SEPTIN6: variants seen among roughly 807,000 people sequenced by gnomAD.
SEPTIN6 encodes septin 6.
SEPTIN6 carries 8 observed loss-of-function variants against 33.6 expected under a neutral mutation model. The ratio of observed to expected loss-of-function variants is 0.24; its 90% confidence interval spans 0.14 to 0.43. SEPTIN6 has a LOEUF of 0.43. SEPTIN6 is among the 20% of genes least tolerant of loss of function. The pLI, the probability that SEPTIN6 is intolerant of heterozygous loss-of-function variation, is 1.00. For synonymous variants in SEPTIN6, 131 were observed against 140.0 expected (o/e 0.94, Z 0.45); for missense variants, 250 against 340.8 (o/e 0.73, Z 2.10).
At chrX:119,636,978 G>A (rs200268547) in intron 7 of SEPTIN6, 49 bp downstream of exon 7, 1 of 1,174,125 alleles carries the variant, frequency 8.5e-7, no homozygotes, top group African/African-American at 1.8e-5. Context: ...CCACCTGAGT[G>A]GGCTGAGCTG....
In SEPTIN6 at chrX:119,617,350, T is replaced by A. The variant is rs2053681847; in HGVS notation, c.*2743A>T. On this transcript the variant is annotated 3_prime_UTR_variant, in exon 11 of 11. Transcript: ENST00000394610. ...AAGCTACCCAATGAAATACACATTT[T>A]AATAGGTTGATCAACTTTTTAATTT... The A allele has an allele frequency of 1.2e-6, 1 of 802,272 alleles. No homozygotes were observed. Among genetic ancestry groups the A allele is most frequent in the Non-Finnish European group, 1.5e-6 (1 of 669,541 alleles). The allele number at this position is 802,272 out of a possible 1,213,427, so 66.1% of individuals were successfully genotyped here.
At chrX:119,676,920 A>G (rs1323338121) in intron 1 of SEPTIN6, among the ~76,000 whole-genome samples, 1 of 112,108 alleles carries the variant, frequency 8.9e-6, no homozygotes, top group Non-Finnish European at 1.9e-5. Context: ...TCACCCTCAG[A>G]CAAGTTACAT....
intron 2 of SEPTIN6, 48 bp from the exon 3 acceptor site, chrX:119,663,725 C>T: frequency 1.0e-6 from 1 of 982,486 alleles, no homozygotes. Context: ...AGTGACTATT[C>T]AGCCCTTACA....
chrX:119,657,003 G>A (rs191915730), intron 3 of SEPTIN6, among the ~76,000 whole-genome samples: 1,614 of 110,008 alleles, frequency 0.015, 26 homozygotes, highest in African/African-American at 0.051. Flanking sequence ...CGGATTACCT[G>A]AGGTCAGGAG....
At chrX:119,655,808 G>GA (rs2054432582) in intron 3 of SEPTIN6, among the ~76,000 whole-genome samples, 2 of 111,818 alleles carry the variant, frequency 1.8e-5, no homozygotes, top group African/African-American at 6.5e-5. Context: ...ACTTAGATAG[G>GA]AAAAAAATAC....
rs2053719924 is a variant in SEPTIN6 at position 119,619,909 on chromosome X, C to T, written c.*184G>A. On this transcript the variant is annotated 3_prime_UTR_variant, in exon 11 of 11. Coordinates refer to ENST00000394610, the MANE Select transcript of SEPTIN6 (RefSeq NM_145799.4). ...AGCGGCCAGACATCACCCTCAGATT[C>T]TCAGGTTTCTATAAACCTTGGCAGG... The T allele has an allele frequency of 8.9e-7, 1 of 1,122,381 alleles. No homozygotes were observed. The allele number at this position is 1,122,381 out of a possible 1,213,427, so 92.5% of individuals were successfully genotyped here.
chrX:119,616,622 T>A (rs2286145), downstream of SEPTIN6: 143 of 938,688 alleles, frequency 1.5e-4, no homozygotes, highest in East Asian at 4.3e-3. Flanking sequence ...GTGCTTGCAG[T>A]TTGAGGGGAG....
chrX:119,674,365 G>A (rs1299913601), intron 2 of SEPTIN6, among the ~76,000 whole-genome samples: 3 of 109,776 alleles, frequency 2.7e-5, no homozygotes, highest in Non-Finnish European at 3.8e-5. Context: ...TTTTAGTAGA[G>A]ACGGGGTTTC....
chrX:119,620,389 G>A (rs62599890), intron 10 of SEPTIN6, among the ~76,000 whole-genome samples: 3,746 of 103,628 alleles, frequency 0.036, 66 homozygotes, highest in South Asian at 0.06. Context: ...TGCGATCTCG[G>A]CTCGCTGCAA....
intron 3 of SEPTIN6, among the ~76,000 whole-genome samples, chrX:119,656,786 T>C (rs1266566823): frequency 1.8e-5 from 2 of 111,568 alleles, no homozygotes; most frequent in African/African-American, 6.5e-5. Flanking sequence ...CTCAGAAGGC[T>C]GAGGCAGGAG....
intron 1 of SEPTIN6, among the ~76,000 whole-genome samples, chrX:119,690,964 G>A (rs1052890414): frequency 1.7e-4 from 19 of 110,316 alleles, no homozygotes; most frequent in Non-Finnish European, 3.2e-4. Flanking sequence ...GGGGAGGGGG[G>A]CATGGAGAGT....
Position 119,618,675 on chromosome X carries a change from TG to T in SEPTIN6, c.*1417del. 1 of 1,187,345 alleles carries T rather than the reference TG, an allele frequency of 8.4e-7. No individual in the cohort carries two copies. The highest frequency in any genetic ancestry group is 2.4e-4 in the Middle Eastern group (1 of 4,205). ...GATAGGGGTGGGGGGCCTCGCTGCC[TG>T]GCACCCCAAAGGAAAGCTGTCAGTT... On this transcript the variant is annotated 3_prime_UTR_variant, in exon 11 of 11. Coordinates refer to ENST00000394610, the MANE Select transcript of SEPTIN6 (RefSeq NM_145799.4).
chrX:119,619,766 C>T lies in SEPTIN6; in HGVS notation c.*327G>A. The T allele has an allele frequency of 9.9e-7, 1 of 1,009,704 alleles. No individual in the cohort carries two copies. Among genetic ancestry groups the T allele is most frequent in the Non-Finnish European group, 1.3e-6 (1 of 794,590 alleles). The allele number at this position is 1,009,704 out of a possible 1,213,427, so 83.2% of individuals were successfully genotyped here. Reference sequence around the variant, plus strand: ...AAAGAGTAGCAGATGGGCCCCCTGACCATGTCACACCTCTGGCAAAGATGT... The same window carrying T: ...AAAGAGTAGCAGATGGGCCCCCTGATCATGTCACACCTCTGGCAAAGATGT... On this transcript the variant is annotated 3_prime_UTR_variant, in exon 11 of 11. Transcript: ENST00000394610.
At chrX:119,682,751 C>T (rs955803572) in intron 1 of SEPTIN6, among the ~76,000 whole-genome samples, 1 of 111,317 alleles carries the variant, frequency 9.0e-6, no homozygotes, top group Non-Finnish European at 1.9e-5. Flanking sequence ...GCCCCTCTTC[C>T]AACCTCTGTG....
chrX:119,656,831 AGCCAAGATTGAG>A (rs1424634832), intron 3 of SEPTIN6, among the ~76,000 whole-genome samples: 34 of 111,540 alleles, frequency 3.0e-4, no homozygotes, highest in African/African-American at 1.0e-3. Context: ...GGTTGCGGTG[AGCCAAGATTGAG>A]GCACTGCACT....
chrX:119,673,361 C>T (rs774824677), intron 2 of SEPTIN6, among the ~76,000 whole-genome samples: 21 of 110,584 alleles, frequency 1.9e-4, no homozygotes, highest in African/African-American at 6.9e-4. Context: ...CAAACAACAA[C>T]GACAACAAAA....
intron 1 of SEPTIN6, among the ~76,000 whole-genome samples, chrX:119,687,407 C>T (rs138513826): frequency 0.05 from 5,489 of 109,720 alleles, 195 homozygotes; most frequent in African/African-American, 0.12. Flanking sequence ...CCCGCCACCA[C>T]GCCCGGCTAA....
At chrX:119,690,770 T>C (rs1248169078) in intron 1 of SEPTIN6, among the ~76,000 whole-genome samples, 1 of 107,828 alleles carries the variant, frequency 9.3e-6, no homozygotes, top group Non-Finnish European at 1.9e-5. Context: ...TAGCCACACT[T>C]AGGTTTATTC....
At chrX:119,641,011 A>G (rs1013538679) in intron 5 of SEPTIN6, among the ~76,000 whole-genome samples, 2 of 112,623 alleles carry the variant, frequency 1.8e-5, no homozygotes, top group Non-Finnish European at 3.7e-5. Flanking sequence ...GGTAACAATG[A>G]CATGGCTGAA....
Sources: allele counts gnomAD v4.1 joint callset (sites outside exome capture counted in the v4.1 genomes callset), GRCh38; gene constraint gnomAD v4.1.1; transcripts MANE v1.5; gene names NCBI Gene and HGNC (gene_info 2026-07-23, HGNC 2026-07-21).